The following CASD1 variants were observed in gnomAD, a reference collection of about 807,000 sequenced individuals.
CASD1 encodes CAS1 domain sialic acid O acetyltransferase 1.
A neutral mutation model predicts 100.0 loss-of-function variants in CASD1; 41 were observed. That is an observed-to-expected ratio of 0.41 (90% confidence interval 0.32 to 0.53). CASD1 has a LOEUF of 0.53. Ranked by LOEUF, CASD1 falls within the 20% of genes least tolerant of loss-of-function variation. The pLI is 0.25. For missense variants in CASD1, 774 were observed against 948.7 expected, an observed-to-expected ratio of 0.82 and a Z score of 2.42; for synonymous variants, 321 against 315.6, an observed-to-expected ratio of 1.02 and a Z score of -0.18.
chr7:94,549,213 A>G (rs1795825424), intron 13 of CASD1, among the ~76,000 whole-genome samples: 1 of 151,948 alleles, frequency 6.6e-6, no homozygotes, highest in Non-Finnish European at 1.5e-5. Context: ...ATGATTTTCT[A>G]ATTACCAGAT....
the CASD1 span, among the ~76,000 whole-genome samples, chr7:94,586,077 A>AAG: frequency 6.7e-6 from 1 of 150,342 alleles, no homozygotes; most frequent in Non-Finnish European, 1.5e-5. Flanking sequence ...AAAAAAAAAA[A>AAG]AAAAAAAAAA....
chr7:94,562,550 C>A, the CASD1 span, among the ~76,000 whole-genome samples: 1,756 of 152,220 alleles, frequency 0.012, 34 homozygotes, highest in African/African-American at 0.04. Flanking sequence ...CAGTTCTCTG[C>A]AATTTATGAA....
At chr7:94,534,872 C>T (rs1795043468) in intron 7 of CASD1, among the ~76,000 whole-genome samples, 2 of 151,996 alleles carry the variant, frequency 1.3e-5, no homozygotes, top group South Asian at 4.2e-4. Context: ...ATAATATTAC[C>T]TCCTGATGAT....
intron 13 of CASD1, 140 bp downstream of exon 13, chr7:94,547,315 G>C (rs6958243): frequency 0.6 from 313,084 of 525,374 alleles, 94,468 homozygotes; most frequent in East Asian, 0.74. Flanking sequence ...CTGAAGCTGA[G>C]TACTCAGTGT....
At chr7:94,593,911 A>G in the CASD1 span, among the ~76,000 whole-genome samples, 3 of 152,004 alleles carry the variant, frequency 2.0e-5, no homozygotes, top group Admixed American at 6.6e-5. Flanking sequence ...GGAATTCTCA[A>G]TCTTTGTTGA....
intron 10 of CASD1, among the ~76,000 whole-genome samples, chr7:94,542,945 A>G (rs932209248): frequency 6.6e-6 from 1 of 152,200 alleles, no homozygotes; most frequent in Non-Finnish European, 1.5e-5. Context: ...TCTTTGTTTG[A>G]TATGTAGATT....
the CASD1 span, among the ~76,000 whole-genome samples, chr7:94,607,990 G>A: frequency 6.6e-6 from 1 of 152,132 alleles, no homozygotes; most frequent in Non-Finnish European, 1.5e-5. Flanking sequence ...CTGATACTAA[G>A]ATTAATATAA....
intron 6 of CASD1, 140 bp from the exon 7 acceptor site, chr7:94,533,539 T>C: frequency 1.5e-6 from 1 of 663,054 alleles, no homozygotes; most frequent in Non-Finnish European, 2.3e-6. Flanking sequence ...TTTCATGAAC[T>C]AATTTGACTG....
chr7:94,585,200 T>G, the CASD1 span: 148 of 338,236 alleles, frequency 4.4e-4, 1 homozygote, highest in East Asian at 7.2e-3. Flanking sequence ...GCAAATAGTT[T>G]ACTGAAGTAA....
At chr7:94,627,190 T>C in the CASD1 span, 1 of 151,996 alleles carries the variant, frequency 6.6e-6, no homozygotes, top group Non-Finnish European at 1.5e-5. Flanking sequence ...GAAGCTCACA[T>C]CCACAGTACA....
chr7:94,533,537 A>G (rs1794954725), intron 6 of CASD1, 142 bp from the exon 7 acceptor site: 2 of 650,234 alleles, frequency 3.1e-6, no homozygotes. Context: ...TATTTCATGA[A>G]CTAATTTGAC....
chr7:94,607,510 C>A, the CASD1 span, among the ~76,000 whole-genome samples: 1 of 152,124 alleles, frequency 6.6e-6, no homozygotes, highest in Non-Finnish European at 1.5e-5. Flanking sequence ...ATCCAAAAAT[C>A]AGTTAATATC....
At chr7:94,575,398 C>G in the CASD1 span, among the ~76,000 whole-genome samples, 2 of 152,102 alleles carry the variant, frequency 1.3e-5, no homozygotes, top group African/African-American at 2.4e-5. Context: ...TCTTTGTGCT[C>G]TGGTCCCAGA....
intron 3 of CASD1, among the ~76,000 whole-genome samples, chr7:94,519,135 T>G (rs976396297): frequency 1.3e-5 from 2 of 152,174 alleles, no homozygotes; most frequent in African/African-American, 4.8e-5. Context: ...ATTGATTTTG[T>G]TAGGAAATTT....
At chr7:94,520,812 C>G (rs987683103) in intron 3 of CASD1, among the ~76,000 whole-genome samples, 1 of 151,878 alleles carries the variant, frequency 6.6e-6, no homozygotes, top group Non-Finnish European at 1.5e-5. Flanking sequence ...AAAAATAAGG[C>G]CGGGTGTGGT....
intron 1 of CASD1, among the ~76,000 whole-genome samples, chr7:94,513,487 A>T (rs1216806444): frequency 6.6e-6 from 1 of 152,134 alleles, no homozygotes; most frequent in African/African-American, 2.4e-5. Flanking sequence ...TTGCCCGTTT[A>T]TACGTCTCAC....
intron 7 of CASD1, among the ~76,000 whole-genome samples, 188 bp downstream of exon 7, chr7:94,533,990 A>G (rs1348212930): frequency 6.6e-6 from 1 of 152,136 alleles, no homozygotes; most frequent in Non-Finnish European, 1.5e-5. Flanking sequence ...ATTAATAAAT[A>G]TAGGTGAAAA....
chr7:94,548,918 A>G (rs1324797762), intron 13 of CASD1, among the ~76,000 whole-genome samples: 1 of 151,966 alleles, frequency 6.6e-6, no homozygotes, highest in African/African-American at 2.4e-5. Flanking sequence ...ATAAGAGGGT[A>G]CTATTCACTA....
At chr7:94,555,055 C>T (rs1001921848) in intron 17 of CASD1, among the ~76,000 whole-genome samples, 2 of 151,992 alleles carry the variant, frequency 1.3e-5, no homozygotes, top group Non-Finnish European at 2.9e-5. Flanking sequence ...GTGTAAGATA[C>T]ATAATATGAA....
Sources: gnomAD v4.1 joint callset for allele counts (sites outside exome capture counted in the v4.1 genomes callset) on GRCh38, gnomAD v4.1.1 for gene constraint, MANE v1.5 for transcripts, NCBI Gene and HGNC (gene_info 2026-07-23, HGNC 2026-07-21) for gene names.